CWH43: variants seen among roughly 807,000 people sequenced by gnomAD.
The protein encoded by CWH43 is PGAP2-interacting protein.
In CWH43, 91 loss-of-function variants were observed where a neutral mutation model predicts 85.7. The observed-to-expected ratio is 1.06, with a 90% CI of 0.90 to 1.26. The LOEUF (loss-of-function observed/expected upper bound fraction) is 1.26. Ranked by LOEUF, CWH43 falls within the 50% of genes most tolerant of loss-of-function variation. The pLI is 0.00. For synonymous variants in CWH43, 323 were observed against 293.6 expected (o/e 1.10, Z -1.02); for missense variants, 869 against 839.2 (o/e 1.04, Z -0.44).
chr4:49,034,633 A>T (rs1260146541), intron 12 of CWH43, among the ~76,000 whole-genome samples: 1 of 152,218 alleles, frequency 6.6e-6, no homozygotes, highest in African/African-American at 2.4e-5. Flanking sequence ...TTGATGATAC[A>T]TAACTCCAGG....
intron 14 of CWH43, among the ~76,000 whole-genome samples, chr4:49,048,057 CTG>C (rs1159914013): frequency 7.2e-5 from 11 of 152,288 alleles, no homozygotes; most frequent in Admixed American, 7.2e-4. Flanking sequence ...ATTGAAAACA[CTG>C]TTTCTGTTTA....
At chr4:49,041,803 G>A (rs1285281963) in intron 13 of CWH43, among the ~76,000 whole-genome samples, 2 of 152,174 alleles carry the variant, frequency 1.3e-5, no homozygotes, top group East Asian at 1.9e-4. Context: ...GGATAAAGAA[G>A]GGGCCAAGAG....
chr4:49,053,514 C>A (rs368969195), intron 15 of CWH43, among the ~76,000 whole-genome samples: 6 of 151,998 alleles, frequency 3.9e-5, no homozygotes, highest in Non-Finnish European at 7.4e-5. Context: ...TGTCTCATTG[C>A]GCTTTTAATT....
chr4:49,056,187 T>C (rs1326064092), intron 15 of CWH43, among the ~76,000 whole-genome samples: 1 of 150,862 alleles, frequency 6.6e-6, no homozygotes, highest in Admixed American at 6.6e-5. Flanking sequence ...GTTCTTGCGA[T>C]AGTTTACTGA....
At chr4:49,014,380 C>T (rs1783465117) in intron 8 of CWH43, among the ~76,000 whole-genome samples, 1 of 148,736 alleles carries the variant, frequency 6.7e-6, no homozygotes, top group Non-Finnish European at 1.5e-5. Context: ...GTGGGAGGAT[C>T]TTTTGAGCCT....
chr4:49,047,781 C>G (rs1784673424), intron 14 of CWH43, among the ~76,000 whole-genome samples: 1 of 152,096 alleles, frequency 6.6e-6, no homozygotes, highest in African/African-American at 2.4e-5. Flanking sequence ...TTAGCAAGCA[C>G]TTTGGACATT....
chr4:49,037,852 C>G (rs903788954), intron 12 of CWH43, among the ~76,000 whole-genome samples, 184 bp from the exon 13 acceptor site: 1 of 152,168 alleles, frequency 6.6e-6, no homozygotes, highest in Non-Finnish European at 1.5e-5. Flanking sequence ...GTCTGTCAGC[C>G]TATTCATTTG....
intron 6 of CWH43, among the ~76,000 whole-genome samples, chr4:48,999,668 C>T (rs1782927877): frequency 6.6e-6 from 1 of 152,180 alleles, no homozygotes; most frequent in African/African-American, 2.4e-5. Context: ...CTGTGCATGG[C>T]CATGTTGCCA....
Position 49,060,878 on chromosome 4 carries a change from T to A in CWH43, c.2022-934T>A, listed in dbSNP as rs79729011. ...CAATTATCCTTCTTTTGTAAATGTA[T>A]GACACATATATGTATGTGCGTATAT... On this transcript the variant is annotated intron_variant, in intron 15 of 15. Coordinates refer to ENST00000226432, the MANE Select transcript of CWH43 (RefSeq NM_025087.3). Among the ~76,000 whole-genome samples, 1,472 of 152,280 alleles carry A rather than the reference T, an allele frequency of 9.7e-3. 17 individuals are homozygous for A. Among genetic ancestry groups the A allele is most frequent in the African/African-American group, 0.029 (1,225 of 41,574 alleles).
chr4:49,058,998 G>A (rs1198828319), intron 15 of CWH43, among the ~76,000 whole-genome samples: 1 of 152,062 alleles, frequency 6.6e-6, no homozygotes, highest in Non-Finnish European at 1.5e-5. Flanking sequence ...GGATCTGCAT[G>A]TGAATCTTCC....
rs1411414591 is a variant in CWH43 at position 48,986,408 on chromosome 4, A to T, written c.-22A>T. ...CCCGACCCGCACGGCTTTCCTGGAA[A>T]GCGCTGCCCCTCGCCGCGGCGATGC... On this transcript the variant is annotated 5_prime_UTR_variant, in exon 1 of 16. In the 5' UTR this introduces an upstream ATG that the reference lacks. Coordinates refer to ENST00000226432, the MANE Select transcript of CWH43 (RefSeq NM_025087.3). The T allele has an allele frequency of 6.5e-7, 1 of 1,549,266 alleles. No homozygotes were observed.
intron 6 of CWH43, among the ~76,000 whole-genome samples, chr4:49,002,042 T>C (rs1342391729): frequency 1.3e-5 from 2 of 152,150 alleles, no homozygotes; most frequent in African/African-American, 4.8e-5. Context: ...TGTCAAGACT[T>C]GGCAAGTTTT....
chr4:49,039,991 C>T (rs921399663), intron 13 of CWH43, among the ~76,000 whole-genome samples: 88 of 151,840 alleles, frequency 5.8e-4, no homozygotes, highest in African/African-American at 1.9e-3. Flanking sequence ...TGAGAACATG[C>T]GGTGTTTGGT....
At chr4:49,010,518 C>A (rs959510485) in intron 8 of CWH43, among the ~76,000 whole-genome samples, 72 of 152,124 alleles carry the variant, frequency 4.7e-4, no homozygotes, top group African/African-American at 1.7e-3. Context: ...CTTCTGCTAG[C>A]TTTTGAATTT....
rs1400122782 is a variant in CWH43 at position 48,999,927 on chromosome 4, C to T, written c.802+1379C>T. On this transcript the variant is annotated intron_variant, in intron 6 of 15. Transcript: ENST00000226432. ...ATCATGTTTTGGGCTGCCCTCTTCC[C>T]TCTCCCCTAGTCTTTGTGAAGAGGA... 2.6e-5 allele frequency among the ~76,000 whole-genome samples: 4 copies of T among 152,096 alleles called. No homozygotes were observed. In the East Asian group the frequency reaches 5.8e-4, roughly 22 times the overall value.
chr4:48,989,543 ACAGT>A (rs1197142874), intron 2 of CWH43, among the ~76,000 whole-genome samples: 1 of 152,242 alleles, frequency 6.6e-6, no homozygotes, highest in Non-Finnish European at 1.5e-5. Flanking sequence ...ATCGCACAAC[ACAGT>A]CAGAGCAGTG....
At chr4:49,023,252 T>G (rs1249020389) in intron 9 of CWH43, among the ~76,000 whole-genome samples, 1 of 152,250 alleles carries the variant, frequency 6.6e-6, no homozygotes. Flanking sequence ...TATCATTCAG[T>G]TCAAAGAATT....
At position 48,988,634 on chromosome 4, in the gene CWH43, G is replaced by T. The variant is rs773876093; in HGVS notation, c.201G>T (p.Lys67Asn). The change falls in exon 2 of 16, where the codon AAG becomes AAT. Residue 67 changes from lysine (K) to asparagine (N), a missense_variant. Lys to Asn is a moderately conservative substitution (Grantham distance 94). This residue lies in a region of CWH43 where 140 missense variants were observed against 122.6 expected (regional missense o/e 1.14). Coordinates refer to ENST00000226432, the MANE Select transcript of CWH43 (RefSeq NM_025087.3). ...CTTTCTGGAAATTGGTTAACAAGAA[G>T]TGGATGCTAACCCTGCTGAGGATAA... ...ITPFWKLVNK[K>N]WMLTLLRIIT... 1 of 1,612,516 alleles carries T rather than the reference G, an allele frequency of 6.2e-7. No individual in the cohort carries two copies. The highest frequency in any genetic ancestry group is 1.7e-5 in the Admixed American group (1 of 59,896).
rs1783066924 is a variant in CWH43 at position 49,003,755 on chromosome 4, C to G, written c.823C>G (p.Leu275Val). 6.2e-7 allele frequency: 1 copy of G among 1,613,778 alleles called. No individual in the cohort carries two copies. Among genetic ancestry groups the G allele is most frequent in the Admixed American group, 1.7e-5 (1 of 59,944 alleles). The stretch of plus-strand genomic sequence containing the variant: ...AACAGGAACAGCTTCAGCTGCGGGG[C>G]TCCTTTACCTGCACACATGGGCAGC... Reference protein sequence around the residue: ...WVTGTASAAGLLYLHTWAAAV... With the variant: ...WVTGTASAAGVLYLHTWAAAV... The change falls in exon 7 of 16, where the codon CTC (leucine) becomes GTC (valine). Residue 275 changes from leucine to valine, a missense_variant. This residue lies in a region of CWH43 where 152 missense variants were observed against 203.6 expected (regional missense o/e 0.75). Coordinates refer to ENST00000226432, the MANE Select transcript of CWH43 (RefSeq NM_025087.3).
Sources: allele counts gnomAD v4.1 joint callset (sites outside exome capture counted in the v4.1 genomes callset), GRCh38; gene constraint gnomAD v4.1.1; regional missense constraint gnomAD v4.1.1; transcripts MANE v1.5; gene names NCBI Gene and HGNC (gene_info 2026-07-23, HGNC 2026-07-21).